The following CLN6 variants were observed in gnomAD, a reference collection of about 807,000 sequenced individuals.
The protein encoded by CLN6 is CLN6 transmembrane ER protein.
Under a neutral mutation model 33.3 loss-of-function variants are expected in CLN6, and 22 were observed. That is an observed-to-expected ratio of 0.66 (90% confidence interval 0.47 to 0.94). CLN6 has a LOEUF of 0.94. CLN6 is among the 40% of genes least tolerant of loss of function. The pLI is 0.00. For synonymous variants in CLN6, 201 were observed against 174.6 expected (o/e 1.15, Z -1.19); for missense variants, 387 against 417.1 (o/e 0.93, Z 0.63).
upstream of CLN6, among the ~76,000 whole-genome samples, chr15:68,231,172 G>A (rs1037176896): frequency 6.6e-6 from 1 of 151,874 alleles, no homozygotes; most frequent in Non-Finnish European, 1.5e-5. Flanking sequence ...TCCTTTCTTG[G>A]CTGTGGGAGG....
At chr15:68,218,167 G>A (rs947047904) in intron 2 of CLN6, 59 of 271,792 alleles carry the variant, frequency 2.2e-4, no homozygotes, top group Middle Eastern at 1.3e-3. Context: ...CAGGGGAGAC[G>A]GAGGTGGGGG....
chr15:68,213,942 C>T (rs1417308617), intron 3 of CLN6: 5 of 308,412 alleles, frequency 1.6e-5, no homozygotes, highest in Non-Finnish European at 3.2e-5. Flanking sequence ...CTCCCTGGAC[C>T]TCCAGTCACT....
upstream of CLN6, among the ~76,000 whole-genome samples, chr15:68,232,877 A>G (rs2093270248): frequency 1.3e-5 from 2 of 152,116 alleles, no homozygotes; most frequent in Non-Finnish European, 2.9e-5. This position sits in a 1 kb window ranked among gnomAD's most constrained non-coding sequence, Gnocchi z 4.7. Flanking sequence ...CCCTGTCTCT[A>G]CTAAAAATAC....
At position 68,247,082 on chromosome 15, in the gene CLN6, G is replaced by C. The variant is rs930099023; in HGVS notation, c.179+9608C>G. Among the ~76,000 whole-genome samples the C allele has an allele frequency of 8.5e-5, 13 of 152,080 alleles. No individual in the cohort carries two copies. Among genetic ancestry groups the C allele is most frequent in the Non-Finnish European group, 1.8e-4 (12 of 68,030 alleles). ...GAGGCAGGAGAATTGCTTGAAACTG[G>C]GAGGTGTTCTAAGCTCTGGAACAAA... On this transcript the variant is annotated intron_variant, in intron 1 of 6. Transcript: ENST00000538696. The surrounding 1 kb of genome is among the most constrained non-coding windows in gnomAD (Gnocchi z 4.2).
chr15:68,247,480 A>C lies in CLN6; in HGVS notation c.179+9210T>G, dbSNP rs1161437585. ...GAATAAATTTAACCGAAGAGGAGAAAGATCTCTTCAAGGAAAACTACAAAG... is the reference window on the plus strand; with the variant it reads ...GAATAAATTTAACCGAAGAGGAGAACGATCTCTTCAAGGAAAACTACAAAG... On this transcript the variant is annotated intron_variant, in intron 1 of 6. Transcript: ENST00000538696. This position sits in a 1 kb window ranked among gnomAD's most constrained non-coding sequence, Gnocchi z 4.2. Among the ~76,000 whole-genome samples the C allele has an allele frequency of 6.6e-6, 1 of 152,160 alleles. No homozygotes were observed. The highest frequency in any genetic ancestry group is 1.5e-5 in the Non-Finnish European group (1 of 68,034).
rs1202859367 is a variant in CLN6 at position 68,209,447 on chromosome 15, G to A, written c.665+190C>T. ...CCACCTCCCTGCCACACCCAGGCCTGGGCTTCATGGAAACAAAGAGGCCAC... is the reference window on the plus strand; with the variant it reads ...CCACCTCCCTGCCACACCCAGGCCTAGGCTTCATGGAAACAAAGAGGCCAC... On this transcript the variant is annotated intron_variant, in intron 6 of 6. Coordinates refer to ENST00000249806, the MANE Select transcript of CLN6 (RefSeq NM_017882.3). The surrounding 1 kb of genome is among the most constrained non-coding windows in gnomAD (Gnocchi z 4.9). 1.3e-5 allele frequency among the ~76,000 whole-genome samples: 2 copies of A among 152,128 alleles called. No individual in the cohort carries two copies. Among genetic ancestry groups the A allele is most frequent in the Non-Finnish European group, 2.9e-5 (2 of 68,018 alleles).
chr15:68,208,715 T>C lies in CLN6; in HGVS notation c.666-305A>G, dbSNP rs1182737787. ...ATACTTCCACACAACAAAAACTGAC[T>C]AGAGGAGAAAGCAACAAACAATTGC... On this transcript the variant is annotated intron_variant, in intron 6 of 6. Coordinates refer to ENST00000249806, the MANE Select transcript of CLN6 (RefSeq NM_017882.3). The surrounding 1 kb of genome is among the most constrained non-coding windows in gnomAD (Gnocchi z 5.8). Among the ~76,000 whole-genome samples the C allele has an allele frequency of 6.6e-6, 1 of 152,216 alleles. No homozygotes were observed. Among genetic ancestry groups the C allele is most frequent in the Admixed American group, 6.5e-5 (1 of 15,290 alleles).
chr15:68,210,373 C>T lies in CLN6; in HGVS notation c.543-614G>A, dbSNP rs1347571218. Among the ~76,000 whole-genome samples the T allele has an allele frequency of 2.6e-5, 4 of 152,224 alleles. No homozygotes were observed. The highest frequency in any genetic ancestry group is 9.6e-5 in the African/African-American group (4 of 41,454). On this transcript the variant is annotated intron_variant, in intron 5 of 6. Coordinates refer to ENST00000249806, the MANE Select transcript of CLN6 (RefSeq NM_017882.3). This position sits in a 1 kb window ranked among gnomAD's most constrained non-coding sequence, Gnocchi z 5.6. ...GCTCTCTGTTCCTAGCCCCTCCACC[C>T]TTCCCCAACCTTCTGTGGGAAGAGG...
Position 68,208,279 on chromosome 15 carries a change from AAGG to A in CLN6, c.794_796del (p.Ser265del), listed in dbSNP as rs768422260. ...CGCCACAAGCAAGAGGGTCAGTGCG[AAGG>A]AGGAGAAGAGGAAGAGGCCGTTGCT... is the stretch of plus-strand genomic sequence containing the variant. On this transcript the variant is annotated inframe_deletion, in exon 7 of 7. Transcript: ENST00000249806. This position sits in a 1 kb window ranked among gnomAD's most constrained non-coding sequence, Gnocchi z 5.8. The A allele has an allele frequency of 5.6e-6, 9 of 1,614,018 alleles. No homozygotes were observed. The highest frequency in any genetic ancestry group is 1.6e-4 in the Middle Eastern group (1 of 6,084).
intron 1 of CLN6, among the ~76,000 whole-genome samples, chr15:68,222,882 A>G (rs2093241856): frequency 6.6e-6 from 1 of 152,182 alleles, no homozygotes; most frequent in Non-Finnish European, 1.5e-5. Flanking sequence ...TAAATGGATT[A>G]AGGGTGGTGC....
At chr15:68,226,573 TCTC>T (rs1400247460) in intron 1 of CLN6, among the ~76,000 whole-genome samples, 2 of 151,770 alleles carry the variant, frequency 1.3e-5, no homozygotes, top group African/African-American at 2.4e-5. Flanking sequence ...TTCAAGTAAT[TCTC>T]CTGCCTCAGC....
chr15:68,239,554 G>A (rs1431626593), intron 1 of CLN6, among the ~76,000 whole-genome samples: 8 of 152,082 alleles, frequency 5.3e-5, no homozygotes, highest in Admixed American at 5.2e-4. Flanking sequence ...TTATTTATCA[G>A]GAAGATGTAA....
chr15:68,214,132 G>GGGCCCCA lies in CLN6; in HGVS notation c.297+151_297+157dup, dbSNP rs1299138270. On this transcript the variant is annotated intron_variant, in intron 3 of 6. Transcript: ENST00000249806. ...GGCCACCGGCAGCTCCGCCTTCCCC[G>GGGCCCCA]GGCCCCAGGCCCTGGACATGCTGCT... 4 of 634,914 alleles carry GGGCCCCA rather than the reference G, an allele frequency of 6.3e-6. No homozygotes were observed. In the East Asian group the frequency reaches 1.1e-4, roughly 18 times the overall value. 39.3% of individuals were successfully genotyped at this position (634,914 alleles called of 1,614,324 possible).
intron 1 of CLN6, among the ~76,000 whole-genome samples, chr15:68,255,172 G>A (rs1892420877): frequency 6.6e-6 from 1 of 152,194 alleles, no homozygotes; most frequent in Admixed American, 6.5e-5. Context: ...GGGATTCCCT[G>A]ACTTTGACAC....
intron 1 of CLN6, among the ~76,000 whole-genome samples, chr15:68,223,333 G>T (rs1289261667): frequency 6.6e-6 from 1 of 152,060 alleles, no homozygotes; most frequent in Admixed American, 6.6e-5. Flanking sequence ...GAGAAGGGAC[G>T]GGCGGCTCGA....
rs764748183 is a variant in CLN6, at chr15:68,220,249, T to C, written c.84-1599A>G. Among the ~76,000 whole-genome samples the C allele has an allele frequency of 1.3e-5, 2 of 152,214 alleles. No homozygotes were observed. Among genetic ancestry groups the C allele is most frequent in the Non-Finnish European group, 2.9e-5 (2 of 68,032 alleles). ...CCACCCCCTCACTGAACACCAACTA[T>C]GTGCAATGCTAGGTCTTTACCTGCA... On this transcript the variant is annotated intron_variant, in intron 1 of 6. Transcript: ENST00000249806. This position sits in a 1 kb window ranked among gnomAD's most constrained non-coding sequence, Gnocchi z 4.2.
In CLN6 at chr15:68,227,675, C is replaced by T. The variant is rs1320078989; in HGVS notation, c.83+1827G>A. 1.3e-5 allele frequency among the ~76,000 whole-genome samples: 2 copies of T among 152,164 alleles called. No individual in the cohort carries two copies. The highest frequency in any genetic ancestry group is 4.8e-5 in the African/African-American group (2 of 41,430). On this transcript the variant is annotated intron_variant, in intron 1 of 6. Transcript: ENST00000249806. The surrounding 1 kb of genome is among the most constrained non-coding windows in gnomAD (Gnocchi z 4.1). Reference sequence around the variant, plus strand: ...AAAGTGGAGTCGTAAGAGCAGAGCCCGTAAGTCAGAAACCCTGGGTTTAGG... The same window carrying T: ...AAAGTGGAGTCGTAAGAGCAGAGCCTGTAAGTCAGAAACCCTGGGTTTAGG...
At position 68,211,374 on chromosome 15, in the gene CLN6, G is replaced by A. The variant is rs1178388766; in HGVS notation, c.487-56C>T. ...GGGATGTCGATGTCAGTCCAGGGAG[G>A]TGCTGGGGCCCCAAGCATCCCCTCT... On this transcript the variant is annotated intron_variant, in intron 4 of 6. Coordinates refer to ENST00000249806, the MANE Select transcript of CLN6 (RefSeq NM_017882.3). The surrounding 1 kb of genome is among the most constrained non-coding windows in gnomAD (Gnocchi z 5.9). 1.9e-6 allele frequency: 3 copies of A among 1,602,578 alleles called. No individual in the cohort carries two copies. In the Admixed American group the frequency reaches 5.0e-5, roughly 27 times the overall value.
intron 1 of CLN6, among the ~76,000 whole-genome samples, chr15:68,238,832 T>C (rs985284150): frequency 1.3e-5 from 2 of 152,154 alleles, no homozygotes; most frequent in Non-Finnish European, 2.9e-5. Flanking sequence ...GATGAGCAAA[T>C]CAATTATTAA....
Sources: allele counts gnomAD v4.1 joint callset (sites outside exome capture counted in the v4.1 genomes callset), GRCh38; gene constraint gnomAD v4.1.1; non-coding constraint Gnocchi (gnomAD v3.1); transcripts MANE v1.5; gene names NCBI Gene and HGNC (gene_info 2026-07-23, HGNC 2026-07-21).